The following USP8 variants were observed in gnomAD, a reference collection of about 807,000 sequenced individuals.
USP8 encodes the protein ubiquitin specific peptidase 8, also known as ubiquitin carboxyl-terminal hydrolase 8.
A neutral mutation model predicts 130.0 loss-of-function variants in USP8; 27 were observed. The ratio of observed to expected loss-of-function variants is 0.21; its 90% CI spans 0.15 to 0.29. The LOEUF (loss-of-function observed/expected upper bound fraction) is 0.29, where lower values mean the gene tolerates loss of function less well. Ranked by LOEUF, USP8 falls within the 10% of genes least tolerant of loss-of-function variation. The pLI is 1.00. For synonymous variants in USP8, 392 were observed against 444.1 expected, an observed-to-expected ratio of 0.88 and a Z score of 1.48; for missense variants, 1,029 against 1,312.2, an observed-to-expected ratio of 0.78 and a Z score of 3.33.
At position 50,514,195 on chromosome 15, in the gene USP8, G is replaced by C. The variant is rs1366488427; in HGVS notation, c.*15107G>C. On this transcript the variant is annotated 3_prime_UTR_variant, in exon 20 of 20. Transcript: ENST00000307179. ...TACTGTACAATTCCATTTATACGAA[G>C]CATAAAATCAGGCAAAAATCTATAA... The C allele has an allele frequency of 1.3e-5, 2 of 152,148 alleles. No homozygotes were observed. Among genetic ancestry groups the C allele is most frequent in the African/African-American group, 4.8e-5 (2 of 41,438 alleles). 9.4% of individuals were successfully genotyped at this position (152,148 alleles called of 1,614,324 possible).
Position 50,493,283 on chromosome 15 carries a change from A to AT in USP8, c.2447+371dup, listed in dbSNP as rs1247934747. On this transcript the variant is annotated intron_variant, in intron 15 of 19. Transcript: ENST00000307179. The stretch of plus-strand genomic sequence containing the variant: ...ACATTGGCAACACCTGAATTTTGGA[A>AT]TATTTGACGTGAATCTGGTGGTAAC... 2.3e-5 allele frequency: 12 copies of AT among 514,228 alleles called. No individual in the cohort carries two copies. In the East Asian group the frequency reaches 4.3e-4, roughly 18 times the overall value. 31.9% of individuals were successfully genotyped at this position (514,228 alleles called of 1,614,324 possible).
chr15:50,441,296 A>AT lies in USP8; in HGVS notation c.105-47dup, dbSNP rs559267767. ...TCTGTGGACTTTGTATATGACCTGT[A>AT]TTTTTTCCCAGATGTCAATTGCTTT... is the stretch of plus-strand genomic sequence containing the variant. On this transcript the variant is annotated intron_variant, in intron 2 of 19. Transcript: ENST00000307179. 3.8e-4 allele frequency: 569 copies of AT among 1,506,148 alleles called. 1 individual carries two copies. The highest frequency in any genetic ancestry group is 4.8e-4 in the Non-Finnish European group (547 of 1,132,114). 93.3% of individuals were successfully genotyped at this position (1,506,148 alleles called of 1,614,324 possible). A position where few individuals can be genotyped will look rare whatever the true frequency, so the allele number is the denominator to read the frequency against.
intron 11 of USP8, among the ~76,000 whole-genome samples, chr15:50,482,304 A>G (rs1422986491): frequency 3.3e-5 from 5 of 152,222 alleles, no homozygotes; most frequent in East Asian, 1.9e-4. Context: ...ATAAAATGCA[A>G]TATATTTCAA....
chr15:50,472,682 G>A (rs987456638), intron 8 of USP8, among the ~76,000 whole-genome samples: 8 of 151,862 alleles, frequency 5.3e-5, no homozygotes, highest in South Asian at 2.1e-4. Context: ...AAGCTGAGGC[G>A]GGCAGATCAC....
intron 12 of USP8, among the ~76,000 whole-genome samples, chr15:50,487,862 T>G (rs1595977764): frequency 1.3e-5 from 2 of 152,220 alleles, no homozygotes; most frequent in African/African-American, 4.8e-5. Context: ...GGCAGTGTTT[T>G]TAAAATCCCT....
chr15:50,445,135 A>C (rs2050383086), intron 3 of USP8, among the ~76,000 whole-genome samples: 1 of 152,122 alleles, frequency 6.6e-6, no homozygotes, highest in African/African-American at 2.4e-5. Context: ...GTGAGGTGCT[A>C]AATTTACTAA....
intron 2 of USP8, among the ~76,000 whole-genome samples, chr15:50,439,727 T>C (rs1227678948): frequency 6.6e-6 from 1 of 150,842 alleles, no homozygotes; most frequent in Non-Finnish European, 1.5e-5. Context: ...GAGGCGGAGG[T>C]TTCGGTGAGC....
intron 10 of USP8, among the ~76,000 whole-genome samples, chr15:50,478,601 TTCTTA>T (rs2051651334): frequency 6.6e-6 from 1 of 152,234 alleles, no homozygotes; most frequent in African/African-American, 2.4e-5. Flanking sequence ...TAAACAACTT[TTCTTA>T]AAGGGTGAAT....
chr15:50,499,628 G>C lies in USP8; in HGVS notation c.*540G>C, dbSNP rs1566897010. The C allele has an allele frequency of 6.6e-6, 1 of 151,720 alleles. No homozygotes were observed. Among genetic ancestry groups the C allele is most frequent in the South Asian group, 2.1e-4 (1 of 4,816 alleles). The allele number at this position is 151,720 out of a possible 1,614,324, so 9.4% of individuals were successfully genotyped here. A position where few individuals can be genotyped will look rare whatever the true frequency, so the allele number is the denominator to read the frequency against. ...TGAGTTAACTTCAGTGCTTTCTTAG[G>C]GAAATGACAGGGCAAAGCAATTTTT... On this transcript the variant is annotated 3_prime_UTR_variant, in exon 20 of 20. Coordinates refer to ENST00000307179, the MANE Select transcript of USP8 (RefSeq NM_005154.5).
At chr15:50,434,302 C>T (rs1447986794) in intron 1 of USP8, among the ~76,000 whole-genome samples, 3 of 151,758 alleles carry the variant, frequency 2.0e-5, no homozygotes, top group Non-Finnish European at 4.4e-5. Flanking sequence ...GAGGTTTCAC[C>T]ATGTTGGCCA....
chr15:50,464,996 G>A lies in USP8; in HGVS notation c.542-51G>A, dbSNP rs112229237. On this transcript the variant is annotated intron_variant, in intron 6 of 19. Transcript: ENST00000307179. ...GTTTGTCCTGTGTTTTGTGATGTCA[G>A]CACATCTTGTGCTGTTTCTTGTCAC... 1,070 of 1,597,714 alleles carry A rather than the reference G, an allele frequency of 6.7e-4. 9 individuals carry two copies. In the African/African-American group the frequency reaches 0.013, roughly 20 times the overall value.
At chr15:50,463,715 G>A (rs1339225593) in intron 6 of USP8, among the ~76,000 whole-genome samples, 1 of 152,134 alleles carries the variant, frequency 6.6e-6, no homozygotes, top group East Asian at 1.9e-4. Flanking sequence ...GGCTAGAGAT[G>A]GAAGGAGGAC....
chr15:50,435,094 A>C lies in USP8; in HGVS notation c.-65-3915A>C, dbSNP rs370064522. Among the ~76,000 whole-genome samples the C allele has an allele frequency of 1.1e-3, 169 of 152,344 alleles. 3 individuals are homozygous for C. The South Asian group carries it at 0.03, about 27-fold the overall frequency. On this transcript the variant is annotated intron_variant, in intron 1 of 19. Transcript: ENST00000307179. ...AAACGATTGTAGCCAAAATAAGGCA[A>C]TTGAGTTCATTCAGTCATTCTAGTC...
At chr15:50,472,140 A>G (rs1478254735) in intron 8 of USP8, among the ~76,000 whole-genome samples, 1 of 151,710 alleles carries the variant, frequency 6.6e-6, no homozygotes, top group African/African-American at 2.4e-5. Flanking sequence ...ACCTCAGTTG[A>G]TCCACCTGCC....
chr15:50,466,916 G>T, intron 7 of USP8: 1 of 427,616 alleles, frequency 2.3e-6, no homozygotes, highest in Non-Finnish European at 4.5e-6. Context: ...TGCCTACTAA[G>T]ACTTTGAGAA....
intron 7 of USP8, among the ~76,000 whole-genome samples, chr15:50,469,148 G>C (rs2051293901): frequency 6.6e-6 from 1 of 152,020 alleles, no homozygotes; most frequent in Non-Finnish European, 1.5e-5. Flanking sequence ...ATGATGTTCT[G>C]TTGTGTGAAT....
intron 8 of USP8, among the ~76,000 whole-genome samples, chr15:50,473,282 G>T (rs1163602426): frequency 6.6e-6 from 1 of 151,900 alleles, no homozygotes; most frequent in African/African-American, 2.4e-5. Flanking sequence ...TACATAAAAT[G>T]GTATAGTATT....
chr15:50,460,296 CTCT>C (rs1185915156), intron 5 of USP8, among the ~76,000 whole-genome samples: 2 of 141,152 alleles, frequency 1.4e-5, no homozygotes, highest in Non-Finnish European at 3.0e-5. Context: ...CCACACCTGG[CTCT>C]TCTTTTTTTT....
At position 50,477,343 on chromosome 15, in the gene USP8, A is replaced by G. The variant is rs772150066; in HGVS notation, c.1062A>G (p.Ala354=). 8.1e-6 allele frequency: 13 copies of G among 1,614,066 alleles called. No individual in the cohort carries two copies. The East Asian group carries it at 2.2e-4, about 28-fold the overall frequency. ...PSKPAAQTPP[A]SIEVDENIEL... ...AACCTGCTGCCCAGACGCCACCTGC[A>G]TCTATAGAAGTAGATGAAAATATAG... The change falls in exon 10 of 20, where the codon GCA becomes GCG. Residue 354 remains alanine, a synonymous_variant. Coordinates refer to ENST00000307179, the MANE Select transcript of USP8 (RefSeq NM_005154.5).
Sources: gnomAD v4.1 joint callset for allele counts (sites outside exome capture counted in the v4.1 genomes callset) on GRCh38, gnomAD v4.1.1 for gene constraint, MANE v1.5 for transcripts, NCBI Gene and HGNC (gene_info 2026-07-23, HGNC 2026-07-21) for gene names.